Variants in KCND2 observed in about 807,000 individuals in gnomAD.
The protein encoded by KCND2 is potassium voltage-gated channel subfamily D member 2.
In KCND2, 16 loss-of-function variants were observed where a neutral mutation model predicts 54.4. The ratio of observed to expected loss-of-function variants is 0.29; its 90% CI spans 0.20 to 0.45. The LOEUF is 0.45. Among genes scored for constraint, KCND2 ranks in the 20% least tolerant of loss-of-function variants. The probability of loss-of-function intolerance (pLI) is 1.00; values close to 1 mark genes in which losing one functional copy is unlikely to be tolerated. For synonymous variants in KCND2, 317 were observed against 310.7 expected, an observed-to-expected ratio of 1.02 and a Z score of -0.21; for missense variants, 486 against 824.2, an observed-to-expected ratio of 0.59 and a Z score of 5.02.
chr7:120,304,867 T>C (rs1799629270), intron 1 of KCND2, among the ~76,000 whole-genome samples: 1 of 152,196 alleles, frequency 6.6e-6, no homozygotes, highest in Non-Finnish European at 1.5e-5. Context: ...GCGATAGGAA[T>C]ACTTGTCTCT....
chr7:120,342,986 A>G (rs751874476), intron 1 of KCND2, among the ~76,000 whole-genome samples: 5 of 152,290 alleles, frequency 3.3e-5, no homozygotes, highest in African/African-American at 9.6e-5. Context: ...GCTCTGTTCC[A>G]TATAGTTATT....
rs1799141406 is a variant in KCND2 at position 120,274,460 on chromosome 7, C to T, written c.-173C>T. ...ATACCTGTCTTGGAGGGAAAGTTGC[C>T]CTTCTGAGAACTGTGACTTTACCAG... On this transcript the variant is annotated 5_prime_UTR_variant, in exon 1 of 6. Transcript: ENST00000331113. 1 of 732,116 alleles carries T rather than the reference C, an allele frequency of 1.4e-6. No individual in the cohort carries two copies. Among genetic ancestry groups the T allele is most frequent in the South Asian group, 1.7e-5 (1 of 60,480 alleles). The allele number at this position is 732,116 out of a possible 1,614,324, so 45.4% of individuals were successfully genotyped here.
At chr7:120,389,087 A>T (rs1240791876) in intron 1 of KCND2, among the ~76,000 whole-genome samples, 1 of 151,984 alleles carries the variant, frequency 6.6e-6, no homozygotes, top group South Asian at 2.1e-4. Flanking sequence ...ACACAGGCCA[A>T]CTGATTTTAA....
intron 1 of KCND2, among the ~76,000 whole-genome samples, chr7:120,605,057 A>C (rs760798258): frequency 1.3e-5 from 2 of 152,236 alleles, no homozygotes; most frequent in African/African-American, 4.8e-5. Context: ...ATGTTTTCAC[A>C]TCAGTACATA....
chr7:120,389,976 G>A (rs182664835), intron 1 of KCND2, among the ~76,000 whole-genome samples: 1 of 151,964 alleles, frequency 6.6e-6, no homozygotes, highest in East Asian at 1.9e-4. Flanking sequence ...ATAAACTTAT[G>A]TTCATGGTCT....
At chr7:120,471,168 G>A (rs1802447574) in intron 1 of KCND2, among the ~76,000 whole-genome samples, 1 of 152,044 alleles carries the variant, frequency 6.6e-6, no homozygotes, top group Non-Finnish European at 1.5e-5. Context: ...GAACCACTAT[G>A]TTTTAATATC....
chr7:120,669,846 A>G (rs1294492828), intron 1 of KCND2, among the ~76,000 whole-genome samples: 1 of 152,126 alleles, frequency 6.6e-6, no homozygotes, highest in Non-Finnish European at 1.5e-5. Context: ...CACATACACT[A>G]ACACATGTAA....
intron 1 of KCND2, among the ~76,000 whole-genome samples, chr7:120,308,447 G>A (rs566173737): frequency 2.6e-5 from 4 of 152,152 alleles, no homozygotes; most frequent in African/African-American, 7.2e-5. Flanking sequence ...GAACTTAGCC[G>A]GATTTTACAA....
chr7:120,589,697 C>CT (rs1393543866), intron 1 of KCND2, among the ~76,000 whole-genome samples: 1 of 152,082 alleles, frequency 6.6e-6, no homozygotes, highest in Non-Finnish European at 1.5e-5. Flanking sequence ...AAATGCCATA[C>CT]TTTTTTAAGT....
chr7:120,594,980 A>G (rs1792718787), intron 1 of KCND2, among the ~76,000 whole-genome samples: 1 of 151,554 alleles, frequency 6.6e-6, no homozygotes, highest in Admixed American at 6.6e-5. Flanking sequence ...AGATCGCGCC[A>G]CTGCACTCCA....
intron 1 of KCND2, among the ~76,000 whole-genome samples, chr7:120,436,597 T>C (rs574834028): frequency 5.1e-4 from 78 of 152,284 alleles, no homozygotes; most frequent in Non-Finnish European, 4.0e-4. Context: ...CAGTCAGCCC[T>C]AACTGACTAT....
intron 4 of KCND2, 122 bp downstream of exon 4, chr7:120,742,724 A>G (rs1792958256): frequency 3.8e-6 from 3 of 789,172 alleles, no homozygotes; most frequent in Admixed American, 3.8e-5. Flanking sequence ...ATGCTAAAAA[A>G]CAAACAAACC....
chr7:120,504,169 T>A (rs1207967997), intron 1 of KCND2, among the ~76,000 whole-genome samples: 1 of 151,958 alleles, frequency 6.6e-6, no homozygotes, highest in Non-Finnish European at 1.5e-5. Flanking sequence ...TACAAAAACA[T>A]AATTTTGGCT....
At chr7:120,675,441 G>T in intron 1 of KCND2, among the ~76,000 whole-genome samples, 1 of 150,864 alleles carries the variant, frequency 6.6e-6, no homozygotes, top group African/African-American at 2.4e-5. Context: ...TTTTCGCCAT[G>T]TTGGCCAGGC....
intron 1 of KCND2, among the ~76,000 whole-genome samples, chr7:120,466,963 T>C (rs1802379941): frequency 6.6e-6 from 1 of 152,130 alleles, no homozygotes; most frequent in South Asian, 2.1e-4. Flanking sequence ...TCCATCTCCA[T>C]ATGTCTTTGT....
At chr7:120,544,614 G>A (rs2116386266) in intron 1 of KCND2, among the ~76,000 whole-genome samples, 1 of 151,978 alleles carries the variant, frequency 6.6e-6, no homozygotes, top group African/African-American at 2.4e-5. Context: ...GCAATTGGTT[G>A]ATTCTTAAAA....
At chr7:120,656,149 A>G (rs1030192771) in intron 1 of KCND2, among the ~76,000 whole-genome samples, 1 of 152,170 alleles carries the variant, frequency 6.6e-6, no homozygotes, top group Non-Finnish European at 1.5e-5. Flanking sequence ...TGTATTTAAT[A>G]CTGAAAGAAG....
chr7:120,519,489 A>G (rs1791660222), intron 1 of KCND2, among the ~76,000 whole-genome samples: 1 of 152,166 alleles, frequency 6.6e-6, no homozygotes, highest in African/African-American at 2.4e-5. Flanking sequence ...TTGGGAGCAG[A>G]TTCTTCTCTA....
chr7:120,481,410 T>C (rs1367779173), intron 1 of KCND2, among the ~76,000 whole-genome samples: 1 of 152,186 alleles, frequency 6.6e-6, no homozygotes, highest in African/African-American at 2.4e-5. Context: ...ATTTGTGGCC[T>C]GGCCATGTAA....
Sources: allele counts gnomAD v4.1 joint callset (sites outside exome capture counted in the v4.1 genomes callset), GRCh38; gene constraint gnomAD v4.1.1; transcripts MANE v1.5; gene names NCBI Gene and HGNC (gene_info 2026-07-23, HGNC 2026-07-21).